The following FRAS1 variants were observed in gnomAD, a reference collection of about 807,000 sequenced individuals.
FRAS1 encodes the protein extracellular matrix organizing protein FRAS1.
A neutral mutation model predicts 435.2 loss-of-function variants in FRAS1; 290 were observed. The observed-to-expected ratio is 0.67, with a 90% CI of 0.61 to 0.73. The LOEUF (loss-of-function observed/expected upper bound fraction) is 0.73, where lower values mean the gene tolerates loss of function less well. Among genes scored for constraint, FRAS1 ranks in the 30% least tolerant of loss-of-function variants. The pLI, the probability that FRAS1 is intolerant of heterozygous loss-of-function variation, is 0.00. For synonymous variants in FRAS1, 1,800 were observed against 1,851.0 expected, an observed-to-expected ratio of 0.97 and a Z score of 0.71; for missense variants, 4,860 against 5,001.5, an observed-to-expected ratio of 0.97 and a Z score of 0.85.
chr4:78,095,389 A>C (rs796214503), intron 2 of FRAS1, among the ~76,000 whole-genome samples: 3 of 152,318 alleles, frequency 2.0e-5, no homozygotes, highest in African/African-American at 7.2e-5. Flanking sequence ...GGATCTATTT[A>C]ATTACTGGTT....
At chr4:78,387,835 A>T in intron 29 of FRAS1, 134 bp downstream of exon 29, 1 of 579,722 alleles carries the variant, frequency 1.7e-6, no homozygotes, top group Non-Finnish European at 2.8e-6. Flanking sequence ...TATTATATAG[A>T]GGGCACTATA....
At chr4:78,382,607 A>G (rs762584875) in intron 27 of FRAS1, among the ~76,000 whole-genome samples, 33 of 152,238 alleles carry the variant, frequency 2.2e-4, no homozygotes, top group Non-Finnish European at 3.7e-4. Flanking sequence ...AAGGGAAGAT[A>G]GAAGAGAAGG....
At chr4:78,507,341 T>A (rs1334979319) in intron 61 of FRAS1, 80 bp from the exon 62 acceptor site, 1 of 1,205,972 alleles carries the variant, frequency 8.3e-7, no homozygotes, top group Non-Finnish European at 1.1e-6. Context: ...ACATAATGTC[T>A]CAGCAGTGCC....
At position 78,058,072 on chromosome 4, in the gene FRAS1, T is replaced by C; in HGVS notation, c.63T>C (p.Pro21=). 1 of 1,613,710 alleles carries C rather than the reference T, an allele frequency of 6.2e-7. No individual in the cohort carries two copies. The highest frequency in any genetic ancestry group is 8.5e-7 in the Non-Finnish European group (1 of 1,179,794). Reference sequence around the variant, plus strand: ...CGTTGGCGGAATTTGCAGTATTGCCTCATCATTCCGAAGGTGAGAGAGCGG... The same window carrying C: ...CGTTGGCGGAATTTGCAGTATTGCCCCATCATTCCGAAGGTGAGAGAGCGG... ...ALALAEFAVL[P]HHSEGACVYQ... Residue 21 remains proline, a synonymous_variant, in exon 1 of 74, where the codon CCT becomes CCC. Transcript: ENST00000512123.
chr4:78,231,533 C>T (rs1449067394), intron 2 of FRAS1, among the ~76,000 whole-genome samples: 1 of 151,742 alleles, frequency 6.6e-6, no homozygotes, highest in Non-Finnish European at 1.5e-5. Context: ...TTTATTCTTT[C>T]TTTCTCACTT....
At position 78,301,690 on chromosome 4, in the gene FRAS1, G is replaced by A. The variant is rs75257449; in HGVS notation, c.1535-6376G>A. On this transcript the variant is annotated intron_variant, in intron 14 of 73. Transcript: ENST00000512123. ...GTGGTGTGTGTACAAAAGGCAAGGG[G>A]GTGGAGGACCATCTGATTTCATTAA... Among the ~76,000 whole-genome samples, 10 of 152,120 alleles carry A rather than the reference G, an allele frequency of 6.6e-5. No individual in the cohort carries two copies. The East Asian group carries it at 1.7e-3, about 26-fold the overall frequency.
intron 2 of FRAS1, among the ~76,000 whole-genome samples, chr4:78,223,721 A>G (rs1724149452): frequency 6.6e-6 from 1 of 152,192 alleles, no homozygotes; most frequent in Non-Finnish European, 1.5e-5. Flanking sequence ...CACTTCAGAT[A>G]ACTATTTCCA....
chr4:78,173,970 C>T (rs137859400), intron 2 of FRAS1, among the ~76,000 whole-genome samples: 54 of 152,324 alleles, frequency 3.5e-4, no homozygotes, highest in African/African-American at 1.2e-3. Flanking sequence ...GTGCATTCAG[C>T]TTCACTGTAC....
At chr4:78,526,713 C>A in intron 70 of FRAS1, 56 bp downstream of exon 70, 1 of 1,118,692 alleles carries the variant, frequency 8.9e-7, no homozygotes. Context: ...GTGAATTCTC[C>A]TACTCACTAA....
intron 55 of FRAS1, among the ~76,000 whole-genome samples, chr4:78,478,697 A>G (rs999422019): frequency 6.6e-6 from 1 of 152,246 alleles, no homozygotes; most frequent in African/African-American, 2.4e-5. Flanking sequence ...CAAAGGCACA[A>G]CAAGACTGTA....
Position 78,507,477 on chromosome 4 carries a change from C to T in FRAS1, c.9373C>T (p.His3125Tyr), listed in dbSNP as rs555699725. 3 of 1,612,650 alleles carry T rather than the reference C, an allele frequency of 1.9e-6. No individual in the cohort carries two copies. The highest frequency in any genetic ancestry group is 1.3e-5 in the African/African-American group (1 of 74,882). ...CCTGTCCAATGAAGACCGGGAATGG[C>T]ATGAATCTTTCTCACTAGTCCTTGG... ...EILSNEDREW[H>Y]ESFSLVLGPD... The change falls in exon 62 of 74, where the codon CAT becomes TAT. Residue 3125 changes from histidine to tyrosine, a missense_variant. Physicochemically the swap from His to Tyr is moderately conservative, Grantham distance 83 (BLOSUM62 2). Transcript: ENST00000512123.
chr4:78,511,535 A>T (rs1721040884), intron 64 of FRAS1, 29 bp downstream of exon 64: 2 of 1,501,304 alleles, frequency 1.3e-6, no homozygotes, highest in Admixed American at 1.7e-5. Context: ...TCCACCACAC[A>T]TAGATTGAAG....
At chr4:78,271,996 A>T (rs1356210245) in intron 9 of FRAS1, among the ~76,000 whole-genome samples, 34 of 152,258 alleles carry the variant, frequency 2.2e-4, no homozygotes, top group Admixed American at 1.1e-3. Flanking sequence ...GACTTTTTAA[A>T]GATTGCCATT....
At chr4:78,511,815 A>G (rs11728817) in intron 64 of FRAS1, among the ~76,000 whole-genome samples, 21,968 of 151,486 alleles carry the variant, frequency 0.15, 1,909 homozygotes, top group Non-Finnish European at 0.21. Flanking sequence ...ACTCTCCCTA[A>G]CCCCCTTCCA....
intron 2 of FRAS1, among the ~76,000 whole-genome samples, chr4:78,091,496 G>A (rs1042419298): frequency 6.6e-6 from 1 of 152,104 alleles, no homozygotes; most frequent in Non-Finnish European, 1.5e-5. Flanking sequence ...CTCTAGGGTG[G>A]AATGAATGGG....
At position 78,379,859 on chromosome 4, in the gene FRAS1, T is replaced by G. The variant is rs1392813865; in HGVS notation, c.3426T>G (p.Val1142=). 1.9e-6 allele frequency: 3 copies of G among 1,613,824 alleles called. No homozygotes were observed. Among genetic ancestry groups the G allele is most frequent in the Non-Finnish European group, 2.5e-6 (3 of 1,179,866 alleles). Reference sequence around the variant, plus strand: ...GGGTCGAAGATCTCCTATTTCATGTTGTGAGCACTCCCACCAATGGTCAGC... The same window carrying G: ...GGGTCGAAGATCTCCTATTTCATGTGGTGAGCACTCCCACCAATGGTCAGC... The part of the protein sequence containing the change: ...EGRVEDLLFH[V]VSTPTNGQLV... Residue 1142 remains valine (V), a synonymous_variant, in exon 27 of 74, where the codon GTT becomes GTG. Coordinates refer to ENST00000512123, the MANE Select transcript of FRAS1 (RefSeq NM_025074.7).
At chr4:78,096,210 T>A (rs907749860) in intron 2 of FRAS1, among the ~76,000 whole-genome samples, 1 of 152,242 alleles carries the variant, frequency 6.6e-6, no homozygotes, top group African/African-American at 2.4e-5. Context: ...TGACTCCATG[T>A]CTTGCATCCC....
intron 2 of FRAS1, among the ~76,000 whole-genome samples, chr4:78,121,699 T>C (rs541511166): frequency 6.6e-6 from 1 of 152,362 alleles, no homozygotes; most frequent in East Asian, 1.9e-4. Context: ...TTGAGCTCTA[T>C]TTTAGACTGG....
In FRAS1 at chr4:78,334,036, A is replaced by C. The variant is rs181948836; in HGVS notation, c.2278+624A>C. Among the ~76,000 whole-genome samples, 94 of 152,240 alleles carry C rather than the reference A, an allele frequency of 6.2e-4. No homozygotes were observed. In the East Asian group the frequency reaches 0.017, roughly 28 times the overall value. On this transcript the variant is annotated intron_variant, in intron 19 of 73. Coordinates refer to ENST00000512123, the MANE Select transcript of FRAS1 (RefSeq NM_025074.7). The stretch of plus-strand genomic sequence containing the variant: ...ACTCCTGGGCTCAAGTGATCCTCCC[A>C]CCTTGGCCTCCCAAAGTGCTGAGAT...
Sources: allele counts gnomAD v4.1 joint callset (sites outside exome capture counted in the v4.1 genomes callset), GRCh38; gene constraint gnomAD v4.1.1; transcripts MANE v1.5; gene names NCBI Gene and HGNC (gene_info 2026-07-23, HGNC 2026-07-21).